Variants in CADPS2 observed in about 807,000 individuals in gnomAD.
CADPS2 encodes calcium-dependent secretion activator 2.
In CADPS2, 93 loss-of-function variants were observed where a neutral mutation model predicts 172.5. The ratio of observed to expected loss-of-function variants is 0.54; its 90% CI spans 0.46 to 0.64. CADPS2 has a LOEUF of 0.64. Among genes scored for constraint, CADPS2 ranks in the 30% least tolerant of loss-of-function variants. CADPS2 has a pLI of 0.00. For synonymous variants in CADPS2, 546 were observed against 555.2 expected (o/e 0.98, Z 0.23); for missense variants, 1,420 against 1,565.9 (o/e 0.91, Z 1.57).
In CADPS2 at chr7:122,838,490, C is replaced by G. The variant is rs1809299977; in HGVS notation, c.339+47509G>C. Among the ~76,000 whole-genome samples, 4 of 152,282 alleles carry G rather than the reference C, an allele frequency of 2.6e-5. No individual in the cohort carries two copies. In the South Asian group the frequency reaches 8.3e-4, roughly 32 times the overall value. On this transcript the variant is annotated intron_variant, in intron 1 of 29. Transcript: ENST00000449022. ...ATTAGGAAAAGGGAAGTCAAATTGT[C>G]CCTGTTTGCAGATGACATGATTGTA... is the stretch of plus-strand genomic sequence containing the variant.
intron 25 of CADPS2, among the ~76,000 whole-genome samples, chr7:122,368,568 C>A (rs973050699): frequency 6.6e-6 from 1 of 152,166 alleles, no homozygotes; most frequent in Non-Finnish European, 1.5e-5. Flanking sequence ...GGGCCCCAGG[C>A]CTCCTTTCCC....
chr7:122,388,523 TA>T, intron 23 of CADPS2, 59 bp downstream of exon 23: 3 of 1,484,056 alleles, frequency 2.0e-6, no homozygotes, highest in Non-Finnish European at 2.7e-6. Context: ...AGGTACTTGA[TA>T]AAAAGTGATA....
At chr7:122,864,301 T>C (rs1228054317) in intron 1 of CADPS2, among the ~76,000 whole-genome samples, 1 of 151,900 alleles carries the variant, frequency 6.6e-6, no homozygotes, top group Non-Finnish European at 1.5e-5. Context: ...GTGTTATCTG[T>C]CATACACCAA....
At chr7:122,577,611 T>C (rs2068219677) in intron 7 of CADPS2, among the ~76,000 whole-genome samples, 1 of 152,162 alleles carries the variant, frequency 6.6e-6, no homozygotes, top group African/African-American at 2.4e-5. Flanking sequence ...AATAAAGCTG[T>C]TTAAACATTC....
At chr7:122,320,641 AAAAAT>A (rs1198752994) in intron 29 of CADPS2, among the ~76,000 whole-genome samples, 2 of 152,216 alleles carry the variant, frequency 1.3e-5, no homozygotes, top group Non-Finnish European at 2.9e-5. Context: ...AACCTGTAGC[AAAAAT>A]AAAATATGTA....
chr7:122,416,256 G>A, intron 17 of CADPS2, 92 bp from the exon 18 acceptor site: 14 of 496,048 alleles, frequency 2.8e-5, no homozygotes, highest in South Asian at 1.1e-4. Context: ...TGTTGAAATA[G>A]AATGAGAAAT....
chr7:122,635,731 G>A (rs2077009473), intron 3 of CADPS2, among the ~76,000 whole-genome samples: 1 of 152,004 alleles, frequency 6.6e-6, no homozygotes, highest in Non-Finnish European at 1.5e-5. Flanking sequence ...ATAGTGGTGT[G>A]GCTAAATTTT....
At chr7:122,744,240 G>A (rs906410407) in intron 1 of CADPS2, among the ~76,000 whole-genome samples, 2 of 152,186 alleles carry the variant, frequency 1.3e-5, no homozygotes, top group Admixed American at 6.5e-5. Context: ...TGAAGATGGT[G>A]AGGTGGCAAG....
At chr7:122,793,953 C>A (rs1181465274) in intron 1 of CADPS2, among the ~76,000 whole-genome samples, 3 of 152,102 alleles carry the variant, frequency 2.0e-5, no homozygotes, top group Admixed American at 2.0e-4. Flanking sequence ...TGAGTATTGA[C>A]CCCCAATCTC....
intron 11 of CADPS2, among the ~76,000 whole-genome samples, chr7:122,482,441 CA>C (rs1413835154): frequency 1.3e-5 from 2 of 152,064 alleles, no homozygotes; most frequent in African/African-American, 4.8e-5. Flanking sequence ...TGCCCCAAAA[CA>C]AATAATTATC....
intron 1 of CADPS2, among the ~76,000 whole-genome samples, chr7:122,780,526 A>T (rs1004641281): frequency 2.6e-5 from 4 of 152,018 alleles, no homozygotes; most frequent in African/African-American, 9.7e-5. Context: ...TCCCATCAAT[A>T]ATCCGATTTA....
chr7:122,769,923 C>T (rs1175139854), intron 1 of CADPS2, among the ~76,000 whole-genome samples: 2 of 152,176 alleles, frequency 1.3e-5, no homozygotes, highest in Non-Finnish European at 2.9e-5. Context: ...ATTTTCATTA[C>T]AGCTAATATT....
At chr7:122,391,371 G>A (rs1044807221) in intron 22 of CADPS2, among the ~76,000 whole-genome samples, 7 of 151,900 alleles carry the variant, frequency 4.6e-5, no homozygotes, top group African/African-American at 1.2e-4. Flanking sequence ...TTCAGAGTTT[G>A]TACAAATCCC....
rs546350268 is a variant in CADPS2 at position 122,601,447 on chromosome 7, G to A, written c.1223+13734C>T. ...ATAAGGAAGTCTGAGCCAGGAACAC[G>A]AAAGTGTTACTTGTCTAAAAATTGA... is the stretch of plus-strand genomic sequence containing the variant. On this transcript the variant is annotated intron_variant, in intron 6 of 29. Transcript: ENST00000449022. Among the ~76,000 whole-genome samples the A allele has an allele frequency of 2.1e-4, 32 of 151,996 alleles. 1 individual carries two copies. In the South Asian group the frequency reaches 5.2e-3, roughly 25 times the overall value.
chr7:122,708,805 T>C (rs969198355), intron 2 of CADPS2, among the ~76,000 whole-genome samples: 3 of 151,796 alleles, frequency 2.0e-5, no homozygotes, highest in African/African-American at 7.3e-5. Context: ...AGAATGGTAA[T>C]CAGAGTAGGA....
chr7:122,839,702 G>GA (rs1442371776), intron 1 of CADPS2, among the ~76,000 whole-genome samples: 1 of 152,136 alleles, frequency 6.6e-6, no homozygotes, highest in Non-Finnish European at 1.5e-5. Context: ...CTGGTCATCA[G>GA]AGAAATGCAA....
intron 2 of CADPS2, among the ~76,000 whole-genome samples, chr7:122,717,169 T>G (rs886652008): frequency 3.9e-5 from 6 of 152,148 alleles, no homozygotes; most frequent in African/African-American, 1.2e-4. Context: ...ATACTTGTCT[T>G]TATCTTTCAC....
At chr7:122,849,961 C>A in intron 1 of CADPS2, 1 of 563,098 alleles carries the variant, frequency 1.8e-6, no homozygotes, top group Non-Finnish European at 3.0e-6. Flanking sequence ...TAGCCCCAGG[C>A]TTTCCTCAAG....
At chr7:122,366,636 CACACACACACAT>C (rs1305397473) in intron 25 of CADPS2, 2 of 141,460 alleles carry the variant, frequency 1.4e-5, no homozygotes, top group Admixed American at 7.0e-5. Context: ...CACACACACA[CACACACACACAT>C]ATATATACAT....
Sources: gnomAD v4.1 joint callset for allele counts (sites outside exome capture counted in the v4.1 genomes callset) on GRCh38, gnomAD v4.1.1 for gene constraint, MANE v1.5 for transcripts, NCBI Gene and HGNC (gene_info 2026-07-23, HGNC 2026-07-21) for gene names.